CDH1: variants seen among roughly 807,000 people sequenced by gnomAD.
CDH1 encodes cadherin-1.
CDH1 carries 35 observed loss-of-function variants against 84.5 expected under a neutral mutation model. That is an observed-to-expected ratio of 0.41 (90% CI 0.32 to 0.55). CDH1 has a LOEUF of 0.55. Among genes scored for constraint, CDH1 ranks in the 20% least tolerant of loss-of-function variants. The pLI is 0.19. For synonymous variants in CDH1, 417 were observed against 439.0 expected (o/e 0.95, Z 0.63); for missense variants, 994 against 1,126.6 (o/e 0.88, Z 1.68).
At chr16:68,805,092 T>C (rs1015278832) in intron 3 of CDH1, among the ~76,000 whole-genome samples, 1 of 150,874 alleles carries the variant, frequency 6.6e-6, no homozygotes, top group Non-Finnish European at 1.5e-5. Context: ...TCTTAGTCTC[T>C]AGTCCTTTCA....
intron 2 of CDH1, among the ~76,000 whole-genome samples, chr16:68,751,826 G>A (rs973747080): frequency 6.6e-6 from 1 of 151,894 alleles, no homozygotes; most frequent in African/African-American, 2.4e-5. Context: ...TTTTGAGACA[G>A]AGTCTTGCTC....
chr16:68,821,421 G>A (rs1961139764), intron 11 of CDH1, among the ~76,000 whole-genome samples: 1 of 147,854 alleles, frequency 6.8e-6, no homozygotes, highest in African/African-American at 2.5e-5. Context: ...AGTGAACTGT[G>A]TTCATGCCAC....
chr16:68,818,172 G>A (rs936096157), intron 10 of CDH1, among the ~76,000 whole-genome samples: 1 of 149,350 alleles, frequency 6.7e-6, no homozygotes, highest in African/African-American at 2.5e-5. Flanking sequence ...CCTGGGAGGT[G>A]GAGCTTGCAG....
chr16:68,764,383 C>G (rs1244354906), intron 2 of CDH1, among the ~76,000 whole-genome samples: 1 of 152,180 alleles, frequency 6.6e-6, no homozygotes, highest in Non-Finnish European at 1.5e-5. Flanking sequence ...TTGAGACCAG[C>G]CTGGCCAACA....
At chr16:68,791,328 A>G (rs1167172686) in intron 2 of CDH1, among the ~76,000 whole-genome samples, 4 of 152,024 alleles carry the variant, frequency 2.6e-5, no homozygotes, top group Non-Finnish European at 5.9e-5. Flanking sequence ...AATGTCCTTT[A>G]TTTAGTGAGT....
intron 2 of CDH1, among the ~76,000 whole-genome samples, chr16:68,764,522 A>G (rs2152119746): frequency 6.6e-6 from 1 of 152,266 alleles, no homozygotes; most frequent in African/African-American, 2.4e-5. Flanking sequence ...GCTGCAGCGA[A>G]CTGAGATCAC....
intron 11 of CDH1, among the ~76,000 whole-genome samples, chr16:68,821,469 C>CAAAA (rs58762668): frequency 7.5e-5 from 7 of 93,042 alleles, no homozygotes; most frequent in East Asian, 3.1e-4. Flanking sequence ...GACTCTGCCT[C>CAAAA]AAAAAAAAAA....
chr16:68,756,860 G>T (rs1963030261), intron 2 of CDH1, among the ~76,000 whole-genome samples: 1 of 152,128 alleles, frequency 6.6e-6, no homozygotes, highest in Non-Finnish European at 1.5e-5. Flanking sequence ...CAATTACCCA[G>T]GCATGGTGGC....
chr16:68,738,617 CTA>C (rs1466858814), intron 2 of CDH1, among the ~76,000 whole-genome samples: 1 of 152,168 alleles, frequency 6.6e-6, no homozygotes, highest in African/African-American at 2.4e-5. Flanking sequence ...TGGTTGTTGA[CTA>C]TGTTATAAAG....
chr16:68,744,200 A>G (rs1597843562), intron 2 of CDH1, among the ~76,000 whole-genome samples: 1 of 152,318 alleles, frequency 6.6e-6, no homozygotes, highest in South Asian at 2.1e-4. Flanking sequence ...TTGATTGTAA[A>G]TGGGCGGGGA....
intron 10 of CDH1, among the ~76,000 whole-genome samples, chr16:68,817,828 G>T (rs768870527): frequency 6.6e-6 from 1 of 152,158 alleles, no homozygotes; most frequent in Non-Finnish European, 1.5e-5. Flanking sequence ...GGCCATATTG[G>T]ATCCTGAATC....
chr16:68,830,943 A>G (rs1961465936), intron 15 of CDH1, among the ~76,000 whole-genome samples: 1 of 151,872 alleles, frequency 6.6e-6, no homozygotes, highest in Non-Finnish European at 1.5e-5. Flanking sequence ...GTCCAGCAGG[A>G]TCTGTTTCCT....
At chr16:68,803,556 C>G (rs1200443920) in intron 3 of CDH1, among the ~76,000 whole-genome samples, 1 of 152,120 alleles carries the variant, frequency 6.6e-6, no homozygotes, top group Non-Finnish European at 1.5e-5. Context: ...CATCACCATG[C>G]CTGGCTGATT....
intron 11 of CDH1, among the ~76,000 whole-genome samples, chr16:68,821,605 C>A (rs771526331): frequency 1.1e-4 from 17 of 151,972 alleles, no homozygotes; most frequent in Non-Finnish European, 2.2e-4. Context: ...AATAAAAAGA[C>A]TCAATGCTTT....
At chr16:68,793,068 G>A (rs559231175) in intron 2 of CDH1, among the ~76,000 whole-genome samples, 8 of 152,186 alleles carry the variant, frequency 5.3e-5, no homozygotes, top group Non-Finnish European at 1.0e-4. Flanking sequence ...CAACAGGGGT[G>A]CAGGAGCCGC....
intron 2 of CDH1, among the ~76,000 whole-genome samples, chr16:68,755,097 T>C (rs1431068591): frequency 6.6e-6 from 1 of 151,756 alleles, no homozygotes; most frequent in Non-Finnish European, 1.5e-5. Context: ...CTGGGCATGA[T>C]AGAACCCCGC....
At chr16:68,803,466 C>T (rs1034637837) in intron 3 of CDH1, among the ~76,000 whole-genome samples, 10 of 152,104 alleles carry the variant, frequency 6.6e-5, no homozygotes, top group African/African-American at 2.2e-4. Flanking sequence ...GGTGCAATTT[C>T]GGCTCACGGC....
chr16:68,813,223 A>G, intron 8 of CDH1, 90 bp from the exon 9 acceptor site: 1 of 1,329,680 alleles, frequency 7.5e-7, no homozygotes, highest in Admixed American at 1.7e-5. Flanking sequence ...CAAAAGAACA[A>G]CAAAAAAAGA....
chr16:68,770,495 G>A (rs1289842423), intron 2 of CDH1, among the ~76,000 whole-genome samples: 1 of 152,098 alleles, frequency 6.6e-6, no homozygotes, highest in African/African-American at 2.4e-5. Flanking sequence ...TTCAGAGCCT[G>A]CTGTGGGCCA....
Sources: gnomAD v4.1 joint callset for allele counts (sites outside exome capture counted in the v4.1 genomes callset) on GRCh38, gnomAD v4.1.1 for gene constraint, MANE v1.5 for transcripts, NCBI Gene and HGNC (gene_info 2026-07-23, HGNC 2026-07-21) for gene names.